Variants in UBAP2L observed in about 807,000 individuals in gnomAD.
UBAP2L encodes the protein ubiquitin associated protein 2 like, also known as ubiquitin-associated protein 2-like.
In UBAP2L, 12 loss-of-function variants were observed where a neutral mutation model predicts 130.6. The observed-to-expected ratio is 0.09, with a 90% CI of 0.06 to 0.15. The LOEUF (loss-of-function observed/expected upper bound fraction) is 0.15, where lower values mean the gene tolerates loss of function less well. UBAP2L is among the 10% of genes least tolerant of loss of function. UBAP2L has a pLI of 1.00. For missense variants in UBAP2L, 965 were observed against 1,332.5 expected (o/e 0.72, Z 4.29); for synonymous variants, 503 against 524.7 (o/e 0.96, Z 0.57).
At chr1:154,246,088 C>T in intron 10 of UBAP2L, 116 bp from the exon 11 acceptor site, 2 of 1,128,816 alleles carry the variant, frequency 1.8e-6, no homozygotes, top group Non-Finnish European at 2.5e-6. Flanking sequence ...TGTGTTTGAA[C>T]CCTTTTAGAA....
At chr1:154,265,947 C>T (rs1456700144) in intron 24 of UBAP2L, among the ~76,000 whole-genome samples, 2 of 152,140 alleles carry the variant, frequency 1.3e-5, no homozygotes, top group Admixed American at 1.3e-4. Flanking sequence ...CTAGATGCTC[C>T]AAGACTAAAG....
At chr1:154,241,246 G>A (rs1006881930) in intron 8 of UBAP2L, among the ~76,000 whole-genome samples, 18 of 151,772 alleles carry the variant, frequency 1.2e-4, no homozygotes, top group Non-Finnish European at 1.9e-4. Flanking sequence ...GTGCCACCAC[G>A]CCCAGCTAAT....
chr1:154,260,420 C>T (rs1681163165), intron 22 of UBAP2L, among the ~76,000 whole-genome samples: 1 of 152,248 alleles, frequency 6.6e-6, no homozygotes. Flanking sequence ...AGGTGGTCTT[C>T]TCTGCTCATC....
Position 154,260,897 on chromosome 1 carries a change from C to G in UBAP2L, c.2584C>G (p.Leu862Val). 1.9e-6 allele frequency: 3 copies of G among 1,614,142 alleles called. No homozygotes were observed. Among genetic ancestry groups the G allele is most frequent in the Non-Finnish European group, 2.5e-6 (3 of 1,180,008 alleles). The change falls in exon 23 of 27, where the codon CTC (leucine) becomes GTC (valine). Residue 862 changes from leucine (L) to valine (V), a missense_variant. Leu to Val is a conservative substitution (Grantham distance 32, BLOSUM62 1). Around this residue, in one of 9 missense-constraint regions of UBAP2L, gnomAD observed 194 missense variants for 334.0 expected, o/e 0.58. Coordinates refer to ENST00000428931, the MANE Select transcript of UBAP2L (RefSeq NM_014847.4). The stretch of plus-strand genomic sequence containing the variant: ...TTTAGCTTCTCCTGTCACAGGTGAC[C>G]TCACAAAGTTCGGCCGTGGGGATGC... ...SLASNPYSGD[L>V]TKFGRGDASS...
At chr1:154,257,008 C>T (rs1198122267) in intron 18 of UBAP2L, 55 bp from the exon 19 acceptor site, 9 of 1,565,804 alleles carry the variant, frequency 5.7e-6, no homozygotes, top group Non-Finnish European at 7.8e-6. Flanking sequence ...TTTTTCCTGA[C>T]CTATGATGCT....
chr1:154,227,399 A>C (rs1312454184), intron 3 of UBAP2L, 40 bp downstream of exon 3: 1 of 1,549,160 alleles, frequency 6.5e-7, no homozygotes, highest in East Asian at 2.2e-5. Flanking sequence ...ATGAGAAAAG[A>C]TACCAGTATT....
chr1:154,225,152 C>G lies in UBAP2L; in HGVS notation c.29C>G (p.Ala10Gly), dbSNP rs545965455. 8.7e-6 allele frequency: 14 copies of G among 1,614,036 alleles called. No homozygotes were observed. In the African/African-American group the frequency reaches 1.6e-4, roughly 18 times the overall value. The change falls in exon 2 of 27, where the codon GCC (alanine) becomes GGC (glycine). Residue 10 changes from alanine to glycine, a missense_variant. Physicochemically the swap from Ala to Gly is moderately conservative, Grantham distance 60. Transcript: ENST00000428931. MMTSVGTNR[A>G]RGNWEQPQNQ... is the part of the protein sequence containing the mutation. ...ATGACATCGGTGGGCACTAACCGAG[C>G]CCGGGGAAACTGGGAACAACCTCAA...
intron 9 of UBAP2L, among the ~76,000 whole-genome samples, chr1:154,242,339 G>T (rs770085613): frequency 6.6e-6 from 1 of 152,218 alleles, no homozygotes; most frequent in Non-Finnish European, 1.5e-5. Flanking sequence ...GAAATGACAT[G>T]TGAAGACTGT....
intron 4 of UBAP2L, 134 bp from the exon 5 acceptor site, chr1:154,234,457 C>A: frequency 1.2e-6 from 1 of 828,146 alleles, no homozygotes. Context: ...GAAGTAAAAG[C>A]AAACTAATGG....
At position 154,266,553 on chromosome 1, in the gene UBAP2L, G is replaced by T. The variant is rs1194039966; in HGVS notation, c.2955G>T (p.Val985=). 1 of 1,614,118 alleles carries T rather than the reference G, an allele frequency of 6.2e-7. No homozygotes were observed. The highest frequency in any genetic ancestry group is 1.7e-5 in the Admixed American group (1 of 60,006). ...NTGVPDISGS[V]YSKTQQSFEK... is the part of the protein sequence containing the mutation. ...GCGTGCCAGATATCTCGGGTTCTGT[G>T]TACTCCAAAACCCAGGTAGGTGCCT... The change falls in exon 25 of 27, where the codon GTG becomes GTT. Residue 985 remains valine, a synonymous_variant. Coordinates refer to ENST00000428931, the MANE Select transcript of UBAP2L (RefSeq NM_014847.4).
rs1238439200 is a variant in UBAP2L, at chr1:154,255,745, C to G, written c.2147C>G (p.Ser716Cys). ...ACATCTTCTGGGCGCACTTCGACAT[C>G]CACTCTTTTGGTAAGTGTGATGCTG... ...SSTSSGRTST[S>C]TLLHTSVESE... is the part of the protein sequence containing the mutation. The change falls in exon 18 of 27, where the codon TCC becomes TGC. Residue 716 changes from serine (S) to cysteine (C), a missense_variant. This residue lies in a region of UBAP2L where 393 missense variants were observed against 408.1 expected (regional missense o/e 0.96). Coordinates refer to ENST00000428931, the MANE Select transcript of UBAP2L (RefSeq NM_014847.4). 1 of 1,614,030 alleles carries G rather than the reference C, an allele frequency of 6.2e-7. No homozygotes were observed. The highest frequency in any genetic ancestry group is 1.3e-5 in the African/African-American group (1 of 74,934).
chr1:154,221,459 C>T (rs879766766), intron 1 of UBAP2L: 1 of 152,892 alleles, frequency 6.5e-6, no homozygotes, highest in South Asian at 2.1e-4. Context: ...CCTTTCCACC[C>T]ACTGCGGGCC....
intron 7 of UBAP2L, 32 bp from the exon 8 acceptor site, chr1:154,236,992 G>A (rs1176872721): frequency 3.9e-6 from 6 of 1,557,560 alleles, no homozygotes; most frequent in Non-Finnish European, 5.3e-6. Context: ...GCTGCTTAGA[G>A]GTCAGAGACT....
intron 13 of UBAP2L, 65 bp from the exon 14 acceptor site, chr1:154,251,416 T>G: frequency 5.1e-6 from 8 of 1,553,614 alleles, no homozygotes; most frequent in Middle Eastern, 1.8e-4. Context: ...AAGGGAAGGG[T>G]TTTTTTTAGT....
At chr1:154,226,048 A>G (rs1396244676) in intron 2 of UBAP2L, among the ~76,000 whole-genome samples, 1 of 152,240 alleles carries the variant, frequency 6.6e-6, no homozygotes, top group Non-Finnish European at 1.5e-5. Flanking sequence ...TCCTGCCCTC[A>G]GGTGATCCAC....
intron 14 of UBAP2L, among the ~76,000 whole-genome samples, chr1:154,253,143 A>G (rs534372107): frequency 2.0e-3 from 304 of 152,086 alleles, no homozygotes; most frequent in Non-Finnish European, 3.4e-3. Context: ...AGCTGGGATT[A>G]CAGGCGCCCA....
chr1:154,248,032 A>G (rs1423464139), intron 11 of UBAP2L, among the ~76,000 whole-genome samples: 1 of 151,110 alleles, frequency 6.6e-6, no homozygotes, highest in Non-Finnish European at 1.5e-5. Flanking sequence ...CAATGGCGCG[A>G]TCTTGGCTCA....
intron 10 of UBAP2L, 86 bp downstream of exon 10, chr1:154,243,388 C>A: frequency 8.5e-7 from 1 of 1,181,164 alleles, no homozygotes; most frequent in African/African-American, 1.5e-5. Context: ...CCTTTGTAAA[C>A]TCCCATGGTG....
At chr1:154,248,516 G>T (rs763215554) in intron 11 of UBAP2L, among the ~76,000 whole-genome samples, 5 of 152,048 alleles carry the variant, frequency 3.3e-5, no homozygotes, top group Non-Finnish European at 7.4e-5. Flanking sequence ...TAATTGTATT[G>T]GTTGATTTAA....
Sources: allele counts gnomAD v4.1 joint callset (sites outside exome capture counted in the v4.1 genomes callset), GRCh38; gene constraint gnomAD v4.1.1; regional missense constraint gnomAD v4.1.1; transcripts MANE v1.5; gene names NCBI Gene and HGNC (gene_info 2026-07-23, HGNC 2026-07-21).